PLCL2: variants seen among roughly 807,000 people sequenced by gnomAD.
PLCL2 encodes the protein phospholipase C like 2.
A neutral mutation model predicts 79.6 loss-of-function variants in PLCL2; 4 were observed. The ratio of observed to expected loss-of-function variants is 0.05; its 90% CI spans 0.02 to 0.11. The LOEUF (loss-of-function observed/expected upper bound fraction) is 0.11. Ranked by LOEUF, PLCL2 falls within the 10% of genes least tolerant of loss-of-function variation. The probability of loss-of-function intolerance (pLI) is 1.00; values close to 1 mark genes in which losing one functional copy is unlikely to be tolerated. For missense variants in PLCL2, 895 were observed against 1,291.0 expected (o/e 0.69, Z 4.70); for synonymous variants, 484 against 457.7 (o/e 1.06, Z -0.73).
chr3:17,070,142 C>T (rs2065048804), intron 5 of PLCL2, among the ~76,000 whole-genome samples: 1 of 152,164 alleles, frequency 6.6e-6, no homozygotes, highest in Admixed American at 6.5e-5. Context: ...GGTCCGGGAA[C>T]CAGCAACCTG....
chr3:16,894,925 A>G (rs980333083), intron 1 of PLCL2, among the ~76,000 whole-genome samples: 2 of 152,056 alleles, frequency 1.3e-5, no homozygotes, highest in Non-Finnish European at 2.9e-5. Context: ...AAAATAAAGG[A>G]TATCGCTTAG....
At chr3:16,951,234 G>C (rs1403021423) in intron 1 of PLCL2, among the ~76,000 whole-genome samples, 1 of 151,836 alleles carries the variant, frequency 6.6e-6, no homozygotes, top group African/African-American at 2.4e-5. Flanking sequence ...GTAGATCTTT[G>C]AGCACCTTTT....
At chr3:16,973,115 C>A (rs1340983398) in intron 1 of PLCL2, among the ~76,000 whole-genome samples, 1 of 152,020 alleles carries the variant, frequency 6.6e-6, no homozygotes, top group African/African-American at 2.4e-5. Context: ...TTGTGGTGAC[C>A]AATAAGTCTT....
chr3:17,047,353 G>A (rs1398360854), intron 4 of PLCL2, among the ~76,000 whole-genome samples: 1 of 152,260 alleles, frequency 6.6e-6, no homozygotes, highest in African/African-American at 2.4e-5. Flanking sequence ...TCAGGCAGAG[G>A]TGATGCCTGC....
intron 5 of PLCL2, among the ~76,000 whole-genome samples, chr3:17,084,005 C>T (rs915657374): frequency 6.6e-6 from 1 of 152,234 alleles, no homozygotes; most frequent in South Asian, 2.1e-4. Context: ...AAACCAAAAG[C>T]TAGTCCTTTG....
chr3:17,028,275 C>T (rs532829236), intron 3 of PLCL2, among the ~76,000 whole-genome samples: 36 of 152,094 alleles, frequency 2.4e-4, no homozygotes, highest in Non-Finnish European at 4.4e-4. Context: ...CCAGGCTGTG[C>T]TAACCACACT....
intron 3 of PLCL2, among the ~76,000 whole-genome samples, chr3:17,032,746 T>G: frequency 6.6e-6 from 1 of 152,188 alleles, no homozygotes; most frequent in South Asian, 2.1e-4. Context: ...TACATGATAC[T>G]ATTTATTTCA....
At chr3:17,022,809 G>T (rs2124901369) in intron 3 of PLCL2, among the ~76,000 whole-genome samples, 1 of 152,266 alleles carries the variant, frequency 6.6e-6, no homozygotes, top group South Asian at 2.1e-4. Flanking sequence ...ACTCATCCCA[G>T]GTGAAAAAGA....
At chr3:17,019,733 C>T (rs1366386060) in intron 3 of PLCL2, among the ~76,000 whole-genome samples, 1 of 151,954 alleles carries the variant, frequency 6.6e-6, no homozygotes, top group African/African-American at 2.4e-5. Flanking sequence ...AGATCAAATC[C>T]CACTCAAAGA....
intron 1 of PLCL2, among the ~76,000 whole-genome samples, chr3:16,956,547 A>G (rs527599680): frequency 6.2e-4 from 94 of 152,350 alleles, no homozygotes; most frequent in African/African-American, 2.1e-3. Flanking sequence ...ACCTCATAAA[A>G]TGAGTTAGGC....
At chr3:16,962,343 T>G (rs1411605374) in intron 1 of PLCL2, among the ~76,000 whole-genome samples, 1 of 152,052 alleles carries the variant, frequency 6.6e-6, no homozygotes, top group Non-Finnish European at 1.5e-5. Context: ...GACCAACCTT[T>G]GCTGCTTAGC....
At chr3:16,935,860 G>A (rs1384898636) in intron 1 of PLCL2, among the ~76,000 whole-genome samples, 1 of 152,200 alleles carries the variant, frequency 6.6e-6, no homozygotes, top group African/African-American at 2.4e-5. Context: ...AATCCAGAGT[G>A]CATGAGAAAG....
At position 17,011,769 on chromosome 3, in the gene PLCL2, C is replaced by G; in HGVS notation, c.2423C>G (p.Ala808Gly). The change falls in exon 2 of 6, where the codon GCT becomes GGT. Residue 808 changes from alanine (A) to glycine (G), a missense_variant. Ala to Gly is a moderately conservative substitution (Grantham distance 60). This residue lies in a region of PLCL2 where 298 missense variants were observed against 459.6 expected (regional missense o/e 0.65). Coordinates refer to ENST00000615277, the MANE Select transcript of PLCL2 (RefSeq NM_001144382.2). This position sits in a 1 kb window ranked among gnomAD's most constrained non-coding sequence, Gnocchi z 7.9. ...RTKTVHQNGD[A>G]PIFDESFEFQ... The stretch of plus-strand genomic sequence containing the variant: ...AAAACAGTGCACCAGAATGGAGACG[C>G]TCCCATTTTTGATGAAAGCTTTGAA... The G allele has an allele frequency of 2.5e-6, 4 of 1,614,214 alleles. No homozygotes were observed. The highest frequency in any genetic ancestry group is 3.4e-6 in the Non-Finnish European group (4 of 1,180,032).
chr3:16,978,475 G>T (rs1451037296), intron 1 of PLCL2, among the ~76,000 whole-genome samples: 2 of 152,202 alleles, frequency 1.3e-5, no homozygotes, highest in African/African-American at 4.8e-5. Context: ...TCCTTGTCTG[G>T]TGAGATGAGA....
chr3:16,890,570 G>A (rs143121653), intron 1 of PLCL2, among the ~76,000 whole-genome samples: 285 of 152,310 alleles, frequency 1.9e-3, no homozygotes, highest in African/African-American at 5.7e-3. Context: ...ATGTGTTCAA[G>A]AATAGATGCT....
chr3:16,979,153 C>G (rs371728810), intron 1 of PLCL2, among the ~76,000 whole-genome samples: 86 of 152,204 alleles, frequency 5.7e-4, no homozygotes, highest in African/African-American at 2.0e-3. Flanking sequence ...ATGTGACTTA[C>G]GTATTATAGG....
intron 4 of PLCL2, among the ~76,000 whole-genome samples, chr3:17,062,838 T>A (rs1339198950): frequency 6.6e-6 from 1 of 152,164 alleles, no homozygotes; most frequent in East Asian, 1.9e-4. Flanking sequence ...TTGGCCTGGT[T>A]TCTATTTCTG....
chr3:17,021,122 G>C lies in PLCL2; in HGVS notation c.3018+6211G>C, dbSNP rs556725924. ...ATAACTGTAGAAAAAAGACCAGATG[G>C]AATATTGTGCTTTGGGATAAGAATA... On this transcript the variant is annotated intron_variant, in intron 3 of 5. Coordinates refer to ENST00000615277, the MANE Select transcript of PLCL2 (RefSeq NM_001144382.2). Among the ~76,000 whole-genome samples, 123 of 152,244 alleles carry C rather than the reference G, an allele frequency of 8.1e-4. 3 individuals are homozygous for C. The highest frequency in any genetic ancestry group is 7.1e-3 in the Admixed American group (109 of 15,278).
Position 16,985,749 on chromosome 3 carries a change from G to T in PLCL2, c.328-23925G>T, listed in dbSNP as rs546969857. Among the ~76,000 whole-genome samples, 12 of 152,240 alleles carry T rather than the reference G, an allele frequency of 7.9e-5. No individual in the cohort carries two copies. The South Asian group carries it at 1.0e-3, about 13-fold the overall frequency. On this transcript the variant is annotated intron_variant, in intron 1 of 5. Coordinates refer to ENST00000615277, the MANE Select transcript of PLCL2 (RefSeq NM_001144382.2). ...TATATTAACTTATTCTTAGTAGAAG[G>T]CATAGGTGTACTATATTCACCTTTA...
Sources: gnomAD v4.1 joint callset for allele counts (sites outside exome capture counted in the v4.1 genomes callset) on GRCh38, gnomAD v4.1.1 for gene constraint, gnomAD v4.1.1 regional missense constraint, Gnocchi (gnomAD v3.1) non-coding constraint, MANE v1.5 for transcripts, NCBI Gene and HGNC (gene_info 2026-07-23, HGNC 2026-07-21) for gene names.